The following CCDC178 variants were observed in gnomAD, a reference collection of about 807,000 sequenced individuals.
CCDC178 encodes coiled-coil domain-containing protein 178.
In CCDC178, 126 loss-of-function variants were observed where a neutral mutation model predicts 117.4. That is an observed-to-expected ratio of 1.07 (90% CI 0.93 to 1.24). The LOEUF (loss-of-function observed/expected upper bound fraction) is 1.24. Among genes scored for constraint, CCDC178 ranks in the 50% most tolerant of loss-of-function variants. The pLI is 0.00. For synonymous variants in CCDC178, 283 were observed against 313.4 expected (o/e 0.90, Z 1.02); for missense variants, 1,030 against 986.9 (o/e 1.04, Z -0.59).
At chr18:33,119,693 C>T (rs1568000337) in intron 20 of CCDC178, among the ~76,000 whole-genome samples, 2 of 152,000 alleles carry the variant, frequency 1.3e-5, no homozygotes, top group Non-Finnish European at 2.9e-5. Flanking sequence ...GGGTATATAC[C>T]CAAAGGATTA....
In CCDC178 at chr18:33,147,664, T is replaced by A. The variant is rs573201473; in HGVS notation, c.2239-54754A>T. On this transcript the variant is annotated intron_variant, in intron 20 of 22. Transcript: ENST00000383096. Reference sequence around the variant, plus strand: ...AACCCTGAGTGGACACAGCACATGTTTCAGAGAGCACGGGGTTTGGGGCAA... The same window carrying A: ...AACCCTGAGTGGACACAGCACATGTATCAGAGAGCACGGGGTTTGGGGCAA... 6.4e-4 allele frequency among the ~76,000 whole-genome samples: 97 copies of A among 152,110 alleles called. 1 individual carries two copies. In the South Asian group the frequency reaches 0.019, roughly 30 times the overall value.
chr18:33,169,772 A>G (rs2058576249), intron 20 of CCDC178, among the ~76,000 whole-genome samples: 1 of 152,214 alleles, frequency 6.6e-6, no homozygotes, highest in African/African-American at 2.4e-5. Context: ...ATAGGAACAT[A>G]TAATGGCTTG....
At position 33,251,156 on chromosome 18, in the gene CCDC178, T is replaced by G. The variant is rs774881288; in HGVS notation, c.1410-5728A>C. On this transcript the variant is annotated intron_variant, in intron 14 of 22. Coordinates refer to ENST00000383096, the MANE Select transcript of CCDC178 (RefSeq NM_001105528.4). ...ACAAAAAAAATAGAAAGAGATGAGT[T>G]ACAGGACTAAGGTTTATTTTGTGTT... 3.9e-4 allele frequency among the ~76,000 whole-genome samples: 59 copies of G among 151,636 alleles called. 1 individual carries two copies. Among genetic ancestry groups the G allele is most frequent in the Non-Finnish European group, 6.8e-4 (46 of 67,746 alleles).
chr18:33,429,587 A>T (rs2064177179), intron 2 of CCDC178, among the ~76,000 whole-genome samples: 1 of 152,244 alleles, frequency 6.6e-6, no homozygotes, highest in Non-Finnish European at 1.5e-5. Context: ...TATAAGGGAT[A>T]GAAAATAATA....
At chr18:33,020,165 G>A (rs1362144917) in intron 21 of CCDC178, among the ~76,000 whole-genome samples, 1 of 127,318 alleles carries the variant, frequency 7.9e-6, no homozygotes, top group South Asian at 2.5e-4. Context: ...TCACCATCTT[G>A]GCCAGGCTGG....
chr18:33,180,896 A>C (rs1423654592), intron 20 of CCDC178, among the ~76,000 whole-genome samples: 2 of 152,078 alleles, frequency 1.3e-5, no homozygotes, highest in East Asian at 3.8e-4. Flanking sequence ...TATCAAATTT[A>C]AGACCCTTAT....
chr18:33,067,565 C>T (rs1003929575), intron 21 of CCDC178, among the ~76,000 whole-genome samples: 163 of 152,312 alleles, frequency 1.1e-3, no homozygotes, highest in African/African-American at 3.6e-3. Flanking sequence ...AATTAACAGG[C>T]CAGGCGTGAT....
At chr18:33,354,192 C>T (rs914262773) in intron 7 of CCDC178, among the ~76,000 whole-genome samples, 11 of 152,162 alleles carry the variant, frequency 7.2e-5, no homozygotes. Flanking sequence ...AAAGTTGCTT[C>T]TCTTGTGCTG....
chr18:33,257,058 T>A (rs533152552), intron 14 of CCDC178, among the ~76,000 whole-genome samples: 1 of 152,140 alleles, frequency 6.6e-6, no homozygotes, highest in Non-Finnish European at 1.5e-5. Flanking sequence ...GGAATTTTCC[T>A]TATGTGCTTT....
chr18:32,981,060 T>G (rs1303879862), intron 21 of CCDC178, among the ~76,000 whole-genome samples: 2 of 152,014 alleles, frequency 1.3e-5, no homozygotes, highest in Non-Finnish European at 2.9e-5. Context: ...ATAAACACAC[T>G]GGCCGTATGT....
intron 13 of CCDC178, 55 bp from the exon 14 acceptor site, chr18:33,267,107 A>G: frequency 6.5e-7 from 1 of 1,531,620 alleles, no homozygotes; most frequent in Admixed American, 2.2e-5. Context: ...CAAAAGGCAA[A>G]ACCTATAATA....
chr18:33,219,144 T>A (rs916223855), intron 18 of CCDC178, among the ~76,000 whole-genome samples: 1 of 152,106 alleles, frequency 6.6e-6, no homozygotes. Context: ...TGGTTTGTAG[T>A]TCTCCTTGAA....
At chr18:33,388,364 T>C (rs982364154) in intron 5 of CCDC178, among the ~76,000 whole-genome samples, 7 of 152,060 alleles carry the variant, frequency 4.6e-5, no homozygotes, top group African/African-American at 1.7e-4. Context: ...TTACTGGATA[T>C]ACATCCTAAG....
rs115120906 is a variant in CCDC178 at position 33,308,705 on chromosome 18, T to C, written c.1022+14786A>G. On this transcript the variant is annotated intron_variant, in intron 11 of 22. Coordinates refer to ENST00000383096, the MANE Select transcript of CCDC178 (RefSeq NM_001105528.4). Reference sequence around the variant, plus strand: ...GTGAGAGGGACCCAGTGGGAGGTAATTGAATGATGGGGCAGTTCCCCCATA... The same window carrying C: ...GTGAGAGGGACCCAGTGGGAGGTAACTGAATGATGGGGCAGTTCCCCCATA... 7.1e-3 allele frequency among the ~76,000 whole-genome samples: 1,077 copies of C among 152,276 alleles called. 9 individuals are homozygous for C. The highest frequency in any genetic ancestry group is 0.025 in the African/African-American group (1,029 of 41,552).
At chr18:33,273,042 A>C (rs1599085268) in intron 12 of CCDC178, among the ~76,000 whole-genome samples, 1 of 128,384 alleles carries the variant, frequency 7.8e-6, no homozygotes, top group Non-Finnish European at 1.6e-5. Context: ...GTAATTAGGC[A>C]AAAAAAAAAT....
intron 21 of CCDC178, among the ~76,000 whole-genome samples, chr18:33,005,981 G>C (rs1414277246): frequency 6.6e-6 from 1 of 151,910 alleles, no homozygotes; most frequent in East Asian, 1.9e-4. Context: ...TTCTTTACTA[G>C]AAAGTTATGT....
chr18:33,127,316 T>C (rs987451435), intron 20 of CCDC178, among the ~76,000 whole-genome samples: 14 of 152,206 alleles, frequency 9.2e-5, no homozygotes, highest in Non-Finnish European at 1.8e-4. Context: ...CTAAGGATTC[T>C]GGTATAATGA....
chr18:33,314,670 ACCTTCCATC>A (rs1236393351), intron 11 of CCDC178, among the ~76,000 whole-genome samples: 1 of 152,118 alleles, frequency 6.6e-6, no homozygotes, highest in Non-Finnish European at 1.5e-5. Flanking sequence ...GTCGGATCTG[ACCTTCCATC>A]CCTTCCAACT....
In CCDC178 at chr18:33,251,701, G is replaced by T. The variant is rs545798697; in HGVS notation, c.1410-6273C>A. Among the ~76,000 whole-genome samples the T allele has an allele frequency of 1.8e-4, 28 of 151,746 alleles. 1 individual carries two copies. Among genetic ancestry groups the T allele is most frequent in the African/African-American group, 6.5e-4 (27 of 41,488 alleles). Reference sequence around the variant, plus strand: ...AATACAAGGTCTCCTCTCTCAAGTGGTATTCAAGTAACTGTGGGCATTTTG... The same window carrying T: ...AATACAAGGTCTCCTCTCTCAAGTGTTATTCAAGTAACTGTGGGCATTTTG... On this transcript the variant is annotated intron_variant, in intron 14 of 22. Coordinates refer to ENST00000383096, the MANE Select transcript of CCDC178 (RefSeq NM_001105528.4).
Sources: allele counts gnomAD v4.1 joint callset (sites outside exome capture counted in the v4.1 genomes callset), GRCh38; gene constraint gnomAD v4.1.1; transcripts MANE v1.5; gene names NCBI Gene and HGNC (gene_info 2026-07-23, HGNC 2026-07-21).